VEZT: variants seen among roughly 807,000 people sequenced by gnomAD.
The protein encoded by VEZT is vezatin.
VEZT carries 39 observed loss-of-function variants against 79.9 expected under a neutral mutation model. That is an observed-to-expected ratio of 0.49 (90% CI 0.38 to 0.64). VEZT has a LOEUF of 0.64. Among genes scored for constraint, VEZT ranks in the 30% least tolerant of loss-of-function variants. The probability of loss-of-function intolerance (pLI) is 0.00; values close to 1 mark genes in which losing one functional copy is unlikely to be tolerated. For missense variants in VEZT, 837 were observed against 893.1 expected, an observed-to-expected ratio of 0.94 and a Z score of 0.80; for synonymous variants, 325 against 327.6, an observed-to-expected ratio of 0.99 and a Z score of 0.09.
chr12:95,274,032 CTG>C (rs1193794979), intron 6 of VEZT, among the ~76,000 whole-genome samples: 1 of 152,174 alleles, frequency 6.6e-6, no homozygotes, highest in Non-Finnish European at 1.5e-5. Context: ...TTATATCAGT[CTG>C]TGTATTTCAG....
In VEZT at chr12:95,301,620, C is replaced by G. The variant is rs913332467; in HGVS notation, c.*947C>G. On this transcript the variant is annotated 3_prime_UTR_variant, in exon 12 of 12. Transcript: ENST00000436874. ...GAGACTGCTTTTCAAATTGGCCAAT[C>G]TTACCTGTTTTGTGTTGTGATTGCA... 8.5e-5 allele frequency: 13 copies of G among 152,178 alleles called. No homozygotes were observed. Among genetic ancestry groups the G allele is most frequent in the Non-Finnish European group, 1.2e-4 (8 of 68,028 alleles). The allele number at this position is 152,178 out of a possible 1,614,324, so 9.4% of individuals were successfully genotyped here. A position where few individuals can be genotyped will look rare whatever the true frequency, so the allele number is the denominator to read the frequency against.
intron 8 of VEZT, among the ~76,000 whole-genome samples, chr12:95,284,855 G>A (rs1158705994): frequency 6.6e-6 from 1 of 151,998 alleles, no homozygotes; most frequent in Non-Finnish European, 1.5e-5. Context: ...CCACTTTAAA[G>A]GCTGAGGATC....
intron 3 of VEZT, chr12:95,258,373 C>A: frequency 2.3e-6 from 1 of 429,188 alleles, no homozygotes; most frequent in Non-Finnish European, 4.7e-6. Context: ...GTGTCACTGG[C>A]CACATGTTTC....
At chr12:95,251,230 GAA>G (rs957419160) in intron 1 of VEZT, among the ~76,000 whole-genome samples, 19 of 152,022 alleles carry the variant, frequency 1.2e-4, no homozygotes, top group African/African-American at 4.6e-4. Context: ...AGGCTGGTCT[GAA>G]ACTCCTCACC....
chr12:95,293,176 C>T (rs537883130), intron 9 of VEZT, among the ~76,000 whole-genome samples: 5 of 152,268 alleles, frequency 3.3e-5, no homozygotes, highest in African/African-American at 1.2e-4. Context: ...AACTAGAAAG[C>T]AGCAAGAGCT....
At chr12:95,231,589 A>G (rs1415062160) in intron 1 of VEZT, 1 of 152,206 alleles carries the variant, frequency 6.6e-6, no homozygotes, top group Non-Finnish European at 1.5e-5. Flanking sequence ...GGACCCTTTT[A>G]GCTTAATCTC....
intron 6 of VEZT, among the ~76,000 whole-genome samples, chr12:95,274,517 G>A (rs183041616): frequency 1.3e-5 from 2 of 152,156 alleles, no homozygotes; most frequent in Admixed American, 1.3e-4. Flanking sequence ...GACTTGAACT[G>A]TTAATTTTTT....
intron 11 of VEZT, among the ~76,000 whole-genome samples, chr12:95,297,664 T>A (rs1009410666): frequency 6.6e-6 from 1 of 152,212 alleles, no homozygotes; most frequent in African/African-American, 2.4e-5. Context: ...GTTTCTCCCT[T>A]TCTTATTGTG....
intron 2 of VEZT, chr12:95,252,275 A>G: frequency 2.3e-6 from 1 of 431,216 alleles, no homozygotes; most frequent in Non-Finnish European, 3.9e-6. Flanking sequence ...CAGTGAGGAA[A>G]TAATTTGGTA....
At position 95,218,901 on chromosome 12, in the gene VEZT, T is replaced by G. The variant is rs1182533759; in HGVS notation, c.36+1015T>G. On this transcript the variant is annotated intron_variant, in intron 1 of 11. Coordinates refer to ENST00000436874, the MANE Select transcript of VEZT (RefSeq NM_017599.4). ...TGTATTACAGGGAAAGAGAACTGAT[T>G]ATGCCAAGCTTGGGAAGTGTGAAAG... Among the ~76,000 whole-genome samples the G allele has an allele frequency of 2.4e-4, 36 of 152,162 alleles. 1 individual carries two copies. Among genetic ancestry groups the G allele is most frequent in the Admixed American group, 2.4e-3 (36 of 15,270 alleles).
At chr12:95,258,187 G>A (rs2063767971) in intron 3 of VEZT, 2 of 453,050 alleles carry the variant, frequency 4.4e-6, no homozygotes, top group East Asian at 6.9e-5. Context: ...TGTTGAAGGT[G>A]TATTGAGAAG....
chr12:95,290,445 A>G (rs80023003), intron 9 of VEZT, among the ~76,000 whole-genome samples: 9,719 of 152,290 alleles, frequency 0.064, 403 homozygotes, highest in South Asian at 0.11. Flanking sequence ...ATACAGTGAA[A>G]TACTACTCGG....
At chr12:95,268,473 G>A (rs1194100653) in intron 5 of VEZT, among the ~76,000 whole-genome samples, 1 of 152,156 alleles carries the variant, frequency 6.6e-6, no homozygotes, top group East Asian at 1.9e-4. Context: ...ACTCCAGCCT[G>A]GACGACAGAG....
chr12:95,282,295 T>C lies in VEZT; in HGVS notation c.997-18T>C. The C allele has an allele frequency of 6.4e-7, 1 of 1,563,150 alleles. No homozygotes were observed. The highest frequency in any genetic ancestry group is 1.7e-4 in the Middle Eastern group (1 of 5,802). ...CAATATTTTTATTGATCTAGTTCTTTTTTCTTTTTTCTTTAAGGTTTTGTT... is the reference window on the plus strand; with the variant it reads ...CAATATTTTTATTGATCTAGTTCTTCTTTCTTTTTTCTTTAAGGTTTTGTT... On this transcript the variant is annotated intron_variant, in intron 7 of 11. Coordinates refer to ENST00000436874, the MANE Select transcript of VEZT (RefSeq NM_017599.4).
chr12:95,266,923 G>A (rs1374706206), intron 5 of VEZT, among the ~76,000 whole-genome samples: 1 of 152,184 alleles, frequency 6.6e-6, no homozygotes, highest in Non-Finnish European at 1.5e-5. Flanking sequence ...TATAGAGAGT[G>A]TCTGATACTG....
At position 95,266,349 on chromosome 12, in the gene VEZT, G is replaced by A. The variant is rs199928914; in HGVS notation, c.435-8G>A. ...ATGCATATCATTTTCTTCCTTTCTT[G>A]TTCCCAGGGATCTCTCAATGCTATT... is the stretch of plus-strand genomic sequence containing the variant. On this transcript the variant is annotated splice_region_variant and splice_polypyrimidine_tract_variant and intron_variant, in intron 4 of 11. Coordinates refer to ENST00000436874, the MANE Select transcript of VEZT (RefSeq NM_017599.4). 3.5e-5 allele frequency: 55 copies of A among 1,585,976 alleles called. No homozygotes were observed. The highest frequency in any genetic ancestry group is 3.4e-5 in the Non-Finnish European group (39 of 1,163,470).
At chr12:95,259,831 T>C (rs2064078648) in intron 3 of VEZT, among the ~76,000 whole-genome samples, 4 of 152,244 alleles carry the variant, frequency 2.6e-5, no homozygotes, top group African/African-American at 9.6e-5. Flanking sequence ...GATTGTTACC[T>C]TGTAACACAG....
At chr12:95,267,132 C>T (rs1219232252) in intron 5 of VEZT, among the ~76,000 whole-genome samples, 1 of 152,138 alleles carries the variant, frequency 6.6e-6, no homozygotes, top group Non-Finnish European at 1.5e-5. Context: ...GTTTTCCATT[C>T]TTACAGGAAA....
intron 3 of VEZT, among the ~76,000 whole-genome samples, chr12:95,261,163 G>A (rs1245320250): frequency 6.6e-6 from 1 of 152,068 alleles, no homozygotes; most frequent in African/African-American, 2.4e-5. Context: ...TGATCAAGAG[G>A]TCATGGGCTC....
Sources: gnomAD v4.1 joint callset for allele counts (sites outside exome capture counted in the v4.1 genomes callset) on GRCh38, gnomAD v4.1.1 for gene constraint, MANE v1.5 for transcripts, NCBI Gene and HGNC (gene_info 2026-07-23, HGNC 2026-07-21) for gene names.